The following TMPRSS4 variants were observed in gnomAD, a reference collection of about 807,000 sequenced individuals.
TMPRSS4 encodes transmembrane protease serine 4.
In TMPRSS4, 45 loss-of-function variants were observed where a neutral mutation model predicts 56.4. That is an observed-to-expected ratio of 0.80 (90% CI 0.63 to 1.02). TMPRSS4 has a LOEUF of 1.02. Among genes scored for constraint, TMPRSS4 ranks in the 50% least tolerant of loss-of-function variants. The pLI is 0.00. For synonymous variants in TMPRSS4, 205 were observed against 211.0 expected (o/e 0.97, Z 0.25); for missense variants, 546 against 556.7 (o/e 0.98, Z 0.19).
chr11:118,085,411 G>T (rs1728026392), intron 1 of TMPRSS4, among the ~76,000 whole-genome samples: 1 of 151,954 alleles, frequency 6.6e-6, no homozygotes, highest in Non-Finnish European at 1.5e-5. Flanking sequence ...TTTTAGTAGA[G>T]ATGGGGTTTC....
At chr11:118,111,967 C>T (rs991616899) in intron 8 of TMPRSS4, 67 bp downstream of exon 8, 31 of 1,562,332 alleles carry the variant, frequency 2.0e-5, no homozygotes, top group Non-Finnish European at 2.5e-5. Context: ...AGCTTGGGGT[C>T]CTGTCTCCTG....
rs776307365 is a variant in TMPRSS4, at chr11:118,113,242, C to T, written c.744-27C>T. On this transcript the variant is annotated intron_variant, in intron 8 of 12. Coordinates refer to ENST00000437212, the MANE Select transcript of TMPRSS4 (RefSeq NM_019894.4). ...AAAGTCTCCTCAGGCTTGGATCAGG[C>T]CTGAACCCAGCTGTCTCTACCCCCA... The T allele has an allele frequency of 3.1e-5, 50 of 1,608,760 alleles. 2 individuals carry two copies. The South Asian group carries it at 5.4e-4, about 17-fold the overall frequency.
intron 6 of TMPRSS4, 92 bp from the exon 7 acceptor site, chr11:118,108,764 G>A (rs903615157): frequency 1.5e-6 from 2 of 1,294,682 alleles, no homozygotes; most frequent in Non-Finnish European, 2.2e-6. Flanking sequence ...GTATTGGGAG[G>A]GGACTTGAAT....
rs1947498490 is a variant in TMPRSS4 at position 118,115,459 on chromosome 11, A to G, written c.1152+179A>G. 3 of 684,376 alleles carry G rather than the reference A, an allele frequency of 4.4e-6. No individual in the cohort carries two copies. In the South Asian group the frequency reaches 6.0e-5, roughly 14 times the overall value. 42.4% of individuals were successfully genotyped at this position (684,376 alleles called of 1,614,324 possible). On this transcript the variant is annotated intron_variant, in intron 11 of 12. Transcript: ENST00000437212. ...GATAGTCAGATAAAAGTGTACCAAT[A>G]GATGAGTGGGTGGATGGATGGATGC...
chr11:118,115,112 G>C lies in TMPRSS4; in HGVS notation c.1010-26G>C, dbSNP rs576593796. On this transcript the variant is annotated intron_variant, in intron 10 of 12. Coordinates refer to ENST00000437212, the MANE Select transcript of TMPRSS4 (RefSeq NM_019894.4). ...GCTGGGGGATAGAAGGCAAGGATGG[G>C]AATGTGAGTGTTTTTACCCTCCCAG... is the stretch of plus-strand genomic sequence containing the variant. The C allele has an allele frequency of 6.2e-6, 10 of 1,603,540 alleles. No homozygotes were observed. The African/African-American group carries it at 9.3e-5, about 15-fold the overall frequency.
At chr11:118,094,741 C>G in intron 1 of TMPRSS4, 75 bp from the exon 2 acceptor site, 16 of 1,414,488 alleles carry the variant, frequency 1.1e-5, no homozygotes, top group Non-Finnish European at 1.5e-5. Flanking sequence ...AGACAAGACC[C>G]AAGAACCTCC....
chr11:118,102,854 C>G (rs899815415), intron 3 of TMPRSS4: 1 of 493,384 alleles, frequency 2.0e-6, no homozygotes. Flanking sequence ...CTGTTTCTCC[C>G]ACACACGTGA....
chr11:118,081,656 C>T (rs1446049782), intron 1 of TMPRSS4, among the ~76,000 whole-genome samples: 1 of 152,236 alleles, frequency 6.6e-6, no homozygotes, highest in African/African-American at 2.4e-5. Flanking sequence ...ATGTCCTGCA[C>T]ATCAGTCTGG....
chr11:118,114,473 T>C (rs1388262610), intron 9 of TMPRSS4, among the ~76,000 whole-genome samples: 2 of 151,980 alleles, frequency 1.3e-5, no homozygotes, highest in East Asian at 3.9e-4. Flanking sequence ...CTGGCCAAGG[T>C]AGGGTAGGCA....
intron 4 of TMPRSS4, 111 bp from the exon 5 acceptor site, chr11:118,104,580 G>C: frequency 6.6e-7 from 1 of 1,525,804 alleles, no homozygotes. Flanking sequence ...GGGCTCTGTG[G>C]CACCCCCAGT....
rs1363838441 is a variant in TMPRSS4 at position 118,099,094 on chromosome 11, C to G, written c.153C>G (p.Val51=). ...LSLASIIIVV[V]LIKVILDKYY... ...TGGCGAGTATCATCATTGTGGTTGT[C>G]CTCAGTAAGTGACAGCCCGTACCCG... Residue 51 remains valine (V), a synonymous_variant, in exon 3 of 13, where the codon GTC becomes GTG. Transcript: ENST00000437212. 6.2e-7 allele frequency: 1 copy of G among 1,613,496 alleles called. No homozygotes were observed. The highest frequency in any genetic ancestry group is 8.5e-7 in the Non-Finnish European group (1 of 1,179,674).
downstream of TMPRSS4, chr11:118,125,336 T>C (rs1419011186): frequency 4.4e-6 from 2 of 456,452 alleles, no homozygotes. Flanking sequence ...CAGGGACAGG[T>C]CTTGTGATTC....
rs751307412 is a variant in TMPRSS4, at chr11:118,111,915, G to A, written c.743+15G>A. 10 of 1,600,946 alleles carry A rather than the reference G, an allele frequency of 6.2e-6. No individual in the cohort carries two copies. The South Asian group carries it at 9.0e-5, about 14-fold the overall frequency. On this transcript the variant is annotated intron_variant, in intron 8 of 12. Coordinates refer to ENST00000437212, the MANE Select transcript of TMPRSS4 (RefSeq NM_019894.4). Reference sequence around the variant, plus strand: ...CACTGCTTCAGGTAAGACCCCAGCTGTAAGGAGGTCTCTGGGGACCAAGGC... The same window carrying A: ...CACTGCTTCAGGTAAGACCCCAGCTATAAGGAGGTCTCTGGGGACCAAGGC...
chr11:118,119,012 T>C lies in TMPRSS4; in HGVS notation c.*1099T>C. The C allele has an allele frequency of 9.1e-6, 9 of 985,424 alleles. No individual in the cohort carries two copies. The highest frequency in any genetic ancestry group is 1.1e-5 in the Non-Finnish European group (9 of 829,940). The allele number at this position is 985,424 out of a possible 1,614,324, so 61.0% of individuals were successfully genotyped here. ...ACTTTTTTGGCATCTGTATGAAAGC[T>C]TGGGTTTTCTGAGGACTGTCTTGCT... On this transcript the variant is annotated 3_prime_UTR_variant, in exon 13 of 13. Transcript: ENST00000437212.
intron 12 of TMPRSS4, chr11:118,117,700 C>A: frequency 1.0e-6 from 1 of 985,412 alleles, no homozygotes; most frequent in Non-Finnish European, 1.2e-6. Context: ...TCTTTTCTGA[C>A]AGAATGAGAC....
intron 2 of TMPRSS4, chr11:118,095,249 T>C (rs1946222729): frequency 5.9e-6 from 1 of 169,566 alleles, no homozygotes; most frequent in Non-Finnish European, 1.3e-5. Flanking sequence ...AGAGGCATTT[T>C]CATGAAAAAT....
downstream of TMPRSS4, chr11:118,125,269 A>G (rs1353761454): frequency 2.2e-6 from 1 of 456,760 alleles, no homozygotes; most frequent in South Asian, 1.5e-5. Context: ...GAGCCAGCAG[A>G]TAAATGGCTT....
At chr11:118,114,106 A>T (rs575592894) in intron 9 of TMPRSS4, among the ~76,000 whole-genome samples, 111 of 152,302 alleles carry the variant, frequency 7.3e-4, no homozygotes, top group African/African-American at 2.6e-3. Context: ...TACATTTTTT[A>T]AATTTATTTG....
intron 4 of TMPRSS4, 51 bp from the exon 5 acceptor site, chr11:118,104,640 T>TGGGC (rs1455824319): frequency 2.5e-6 from 4 of 1,613,104 alleles, no homozygotes; most frequent in Non-Finnish European, 3.4e-6. Context: ...CTGAGGGGGA[T>TGGGC]GGGCCAGTTG....
Sources: allele counts gnomAD v4.1 joint callset (sites outside exome capture counted in the v4.1 genomes callset), GRCh38; gene constraint gnomAD v4.1.1; transcripts MANE v1.5; gene names NCBI Gene and HGNC (gene_info 2026-07-23, HGNC 2026-07-21).